The following PTBP2 variants were observed in gnomAD, a reference collection of about 807,000 sequenced individuals.
The protein encoded by PTBP2 is polypyrimidine tract binding protein 2.
Under a neutral mutation model 61.4 loss-of-function variants are expected in PTBP2, and 13 were observed. That is an observed-to-expected ratio of 0.21 (90% CI 0.14 to 0.34). The LOEUF (loss-of-function observed/expected upper bound fraction) is 0.34. Ranked by LOEUF, PTBP2 falls within the 10% of genes least tolerant of loss-of-function variation. The probability of loss-of-function intolerance (pLI) is 1.00; values close to 1 mark genes in which losing one functional copy is unlikely to be tolerated. For missense variants in PTBP2, 405 were observed against 642.6 expected, an observed-to-expected ratio of 0.63 and a Z score of 4.00; for synonymous variants, 215 against 218.5, an observed-to-expected ratio of 0.98 and a Z score of 0.14.
rs1021181758 is a variant in PTBP2 at position 96,793,637 on chromosome 1, C to T, written c.904+8383C>T. 1.3e-5 allele frequency among the ~76,000 whole-genome samples: 2 copies of T among 152,220 alleles called. 1 individual carries two copies. The highest frequency in any genetic ancestry group is 4.8e-5 in the African/African-American group (2 of 41,528). ...CCGCCCACCTTGGTCTCCCAAAGTG[C>T]TGGGATTACAGTCATGAGCCACCGT... is the stretch of plus-strand genomic sequence containing the variant. On this transcript the variant is annotated intron_variant, in intron 8 of 13. Coordinates refer to ENST00000674951, the MANE Select transcript of PTBP2 (RefSeq NM_021190.4).
chr1:96,770,180 C>T (rs746275017), intron 4 of PTBP2, among the ~76,000 whole-genome samples: 1 of 151,878 alleles, frequency 6.6e-6, no homozygotes. Flanking sequence ...TATCAGAAAT[C>T]AGCAGGGGTA....
chr1:96,733,017 C>T lies in PTBP2; in HGVS notation c.39+9423C>T, dbSNP rs181008917. The stretch of plus-strand genomic sequence containing the variant: ...AGTAGCTCATTACTCTGCTTTCTTT[C>T]TTTCTTTTTTTTTTTTTTTGCTATA... On this transcript the variant is annotated intron_variant, in intron 2 of 13. Transcript: ENST00000674951. Among the ~76,000 whole-genome samples the T allele has an allele frequency of 1.4e-4, 18 of 127,126 alleles. No homozygotes were observed. The East Asian group carries it at 4.4e-3, about 31-fold the overall frequency. The allele number at this position is 127,126 out of a possible 152,430, so 83.4% of individuals were successfully genotyped here.
chr1:96,784,067 A>C, intron 7 of PTBP2, among the ~76,000 whole-genome samples: 1 of 152,080 alleles, frequency 6.6e-6, no homozygotes, highest in Admixed American at 6.6e-5. Flanking sequence ...TTATATACTT[A>C]AGCAACTGTA....
chr1:96,770,497 A>G (rs1430695254), intron 4 of PTBP2, among the ~76,000 whole-genome samples: 1 of 152,022 alleles, frequency 6.6e-6, no homozygotes, highest in Non-Finnish European at 1.5e-5. Context: ...TGGAAGGCAG[A>G]AGCAGCGTGT....
chr1:96,761,715 T>C (rs932930797), intron 3 of PTBP2, among the ~76,000 whole-genome samples: 9 of 151,330 alleles, frequency 5.9e-5, no homozygotes, highest in Non-Finnish European at 1.0e-4. Flanking sequence ...AATAATCCGC[T>C]ACTGTTCTGT....
chr1:96,723,798 CT>C (rs1296744638), intron 2 of PTBP2, among the ~76,000 whole-genome samples: 1 of 152,060 alleles, frequency 6.6e-6, no homozygotes, highest in African/African-American at 2.4e-5. Flanking sequence ...TAAGAATAAC[CT>C]TTTAAAGTAA....
intron 8 of PTBP2, among the ~76,000 whole-genome samples, chr1:96,798,366 A>G (rs1271956956): frequency 6.6e-6 from 1 of 152,158 alleles, no homozygotes; most frequent in Admixed American, 6.5e-5. Context: ...AGATCATGCC[A>G]TTGCACTCCA....
intron 2 of PTBP2, among the ~76,000 whole-genome samples, chr1:96,736,170 A>G (rs1652142589): frequency 6.6e-6 from 1 of 152,218 alleles, no homozygotes; most frequent in African/African-American, 2.4e-5. Context: ...TCTGCCTCCA[A>G]AAAAGCAATT....
At chr1:96,738,034 C>T (rs930860369) in intron 2 of PTBP2, among the ~76,000 whole-genome samples, 1 of 152,126 alleles carries the variant, frequency 6.6e-6, no homozygotes, top group African/African-American at 2.4e-5. Flanking sequence ...GTTCCACTTT[C>T]CTTAACTTCT....
chr1:96,765,230 A>T (rs1022843828), intron 3 of PTBP2, among the ~76,000 whole-genome samples: 3 of 152,124 alleles, frequency 2.0e-5, no homozygotes, highest in Admixed American at 2.0e-4. Flanking sequence ...TTCATATTTG[A>T]TAAAGAGAGT....
chr1:96,728,179 GTC>G lies in PTBP2; in HGVS notation c.39+4591_39+4592del, dbSNP rs1232300499. Among the ~76,000 whole-genome samples, 7 of 152,144 alleles carry G rather than the reference GTC, an allele frequency of 4.6e-5. No individual in the cohort carries two copies. In the East Asian group the frequency reaches 1.4e-3, roughly 29 times the overall value. ...CTTTTAAATTTTTTATAGACCCGGG[GTC>G]TCTCTGTTTTGCCCAGGCTGGTGTT... On this transcript the variant is annotated intron_variant, in intron 2 of 13. Transcript: ENST00000674951.
chr1:96,759,664 A>T (rs6677843), intron 3 of PTBP2, among the ~76,000 whole-genome samples: 2 of 152,108 alleles, frequency 1.3e-5, no homozygotes, highest in Non-Finnish European at 2.9e-5. Flanking sequence ...TTAAAGGAAT[A>T]TATAAACTTG....
intron 3 of PTBP2, among the ~76,000 whole-genome samples, chr1:96,757,074 C>G (rs1033537945): frequency 6.6e-6 from 1 of 152,184 alleles, no homozygotes; most frequent in Non-Finnish European, 1.5e-5. Flanking sequence ...TGTACCTAAA[C>G]TTACTCTGAA....
rs1661547259 is a variant in PTBP2, at chr1:96,806,937, G to A, written c.1150G>A (p.Asp384Asn). The change falls in exon 11 of 14, where the codon GAT becomes AAT. Residue 384 changes from aspartate (D) to asparagine (N), a missense_variant. Asp to Asn is a conservative substitution (Grantham distance 23, BLOSUM62 1). Coordinates refer to ENST00000674951, the MANE Select transcript of PTBP2 (RefSeq NM_021190.4). Reference sequence around the variant, plus strand: ...AGACAGCGCTCTAATACAGATGGCTGATGGAAACCAATCACAACTTGGTAA... The same window carrying A: ...AGACAGCGCTCTAATACAGATGGCTAATGGAAACCAATCACAACTTGGTAA... ...KKDSALIQMA[D>N]GNQSQLAMNH... 1.2e-6 allele frequency: 2 copies of A among 1,608,784 alleles called. No homozygotes were observed. The highest frequency in any genetic ancestry group is 1.7e-6 in the Non-Finnish European group (2 of 1,177,984).
intron 3 of PTBP2, 107 bp from the exon 4 acceptor site, chr1:96,769,596 A>G (rs1306622569): frequency 3.9e-6 from 3 of 770,350 alleles, no homozygotes; most frequent in African/African-American, 3.6e-5. Flanking sequence ...ATTCTCAGCT[A>G]TGTTTTTAAG....
Position 96,813,381 on chromosome 1 carries a change from G to T in PTBP2, c.1572G>T (p.Val524=), listed in dbSNP as rs755855741. 38 of 1,595,798 alleles carry T rather than the reference G, an allele frequency of 2.4e-5. No individual in the cohort carries two copies. In the East Asian group the frequency reaches 8.3e-4, roughly 35 times the overall value. Reference sequence around the variant, plus strand: ...TTGGAGAAAACCATCATCTGAGAGTGTCTTTCTCCAAGTCAACAATTTAAA... The same window carrying T: ...TTGGAGAAAACCATCATCTGAGAGTTTCTTTCTCCAAGTCAACAATTTAAA... ...YNLGENHHLR[V]SFSKSTI The change falls in exon 14 of 14, where the codon GTG becomes GTT. Residue 524 remains valine, a synonymous_variant. Coordinates refer to ENST00000674951, the MANE Select transcript of PTBP2 (RefSeq NM_021190.4).
chr1:96,729,993 C>G (rs1243053222), intron 2 of PTBP2, among the ~76,000 whole-genome samples: 1 of 152,020 alleles, frequency 6.6e-6, no homozygotes, highest in African/African-American at 2.4e-5. Flanking sequence ...TCACAAAGTG[C>G]TGGGATTACA....
intron 2 of PTBP2, among the ~76,000 whole-genome samples, chr1:96,733,594 C>G (rs1263787035): frequency 6.6e-6 from 1 of 152,086 alleles, no homozygotes; most frequent in African/African-American, 2.4e-5. Flanking sequence ...ACAAGAGGAT[C>G]ACCTGAGCCC....
intron 7 of PTBP2, among the ~76,000 whole-genome samples, chr1:96,781,976 G>A (rs986221605): frequency 4.6e-5 from 7 of 151,818 alleles, no homozygotes; most frequent in African/African-American, 7.3e-5. Flanking sequence ...ATAATGTTGA[G>A]GAATATAATT....
Sources: gnomAD v4.1 joint callset for allele counts (sites outside exome capture counted in the v4.1 genomes callset) on GRCh38, gnomAD v4.1.1 for gene constraint, MANE v1.5 for transcripts, NCBI Gene and HGNC (gene_info 2026-07-23, HGNC 2026-07-21) for gene names.